The following PKD2 variants were observed in gnomAD, a reference collection of about 807,000 sequenced individuals.
PKD2 encodes the protein polycystin 2, transient receptor potential cation channel.
Under a neutral mutation model 105.9 loss-of-function variants are expected in PKD2, and 48 were observed. That is an observed-to-expected ratio of 0.45 (90% CI 0.36 to 0.58). PKD2 has a LOEUF of 0.58. Ranked by LOEUF, PKD2 falls within the 20% of genes least tolerant of loss-of-function variation. PKD2 has a pLI of 0.00. For synonymous variants in PKD2, 464 were observed against 481.1 expected, an observed-to-expected ratio of 0.96 and a Z score of 0.46; for missense variants, 1,078 against 1,255.3, an observed-to-expected ratio of 0.86 and a Z score of 2.13.
At chr4:88,045,436 T>C (rs897216247) in intron 5 of PKD2, among the ~76,000 whole-genome samples, 1 of 152,254 alleles carries the variant, frequency 6.6e-6, no homozygotes, top group African/African-American at 2.4e-5. Flanking sequence ...ACCATAGTCC[T>C]GTTTTTACTT....
intron 3 of PKD2, 106 bp downstream of exon 3, chr4:88,036,459 A>G (rs765782941): frequency 9.0e-6 from 14 of 1,560,656 alleles, no homozygotes; most frequent in South Asian, 5.7e-5. Flanking sequence ...TGCATTTAAC[A>G]CTGTGTGAGA....
chr4:88,026,029 G>A (rs1418008911), intron 2 of PKD2, among the ~76,000 whole-genome samples: 1 of 151,224 alleles, frequency 6.6e-6, no homozygotes, highest in East Asian at 2.0e-4. Flanking sequence ...TGTGAAAATG[G>A]TCTAATACAG....
At chr4:88,013,985 G>A (rs1726473465) in intron 1 of PKD2, among the ~76,000 whole-genome samples, 1 of 152,162 alleles carries the variant, frequency 6.6e-6, no homozygotes, top group Non-Finnish European at 1.5e-5. Context: ...ACAACGTAGA[G>A]GATAGGGTGA....
intron 7 of PKD2, among the ~76,000 whole-genome samples, chr4:88,053,235 G>T (rs1265543407): frequency 6.6e-6 from 1 of 152,154 alleles, no homozygotes; most frequent in Non-Finnish European, 1.5e-5. Context: ...TACTGTCTAG[G>T]ACAGTGGAAA....
intron 4 of PKD2, 37 bp downstream of exon 4, chr4:88,038,538 C>T: frequency 6.2e-7 from 1 of 1,606,916 alleles, no homozygotes; most frequent in Non-Finnish European, 8.5e-7. Context: ...CGGTGATATT[C>T]ATTCATTTAT....
chr4:88,073,204 A>G (rs1721102930), intron 13 of PKD2, among the ~76,000 whole-genome samples: 1 of 151,188 alleles, frequency 6.6e-6, no homozygotes, highest in Admixed American at 6.6e-5. Flanking sequence ...AAAAAAAAAA[A>G]AAGGTGTAAA....
chr4:88,070,582 A>T (rs1194912960), intron 13 of PKD2, among the ~76,000 whole-genome samples: 27 of 82,610 alleles, frequency 3.3e-4, no homozygotes, highest in Non-Finnish European at 6.0e-4. Flanking sequence ...TTTTATATAT[A>T]TATATATATA....
At chr4:88,015,959 G>A (rs1452894396) in intron 1 of PKD2, among the ~76,000 whole-genome samples, 1 of 152,122 alleles carries the variant, frequency 6.6e-6, no homozygotes, top group African/African-American at 2.4e-5. Flanking sequence ...CACAGACCTG[G>A]GGTAGGAAGT....
At chr4:88,011,412 C>T (rs187972725) in intron 1 of PKD2, among the ~76,000 whole-genome samples, 2 of 151,766 alleles carry the variant, frequency 1.3e-5, no homozygotes, top group Non-Finnish European at 2.9e-5. Context: ...TACCTCCCTC[C>T]CCTTCAATAC....
At chr4:88,025,020 C>T (rs1290119308) in intron 2 of PKD2, among the ~76,000 whole-genome samples, 2 of 152,098 alleles carry the variant, frequency 1.3e-5, no homozygotes, top group Admixed American at 1.3e-4. Context: ...GTAATCCCAG[C>T]TACTTGGGAG....
chr4:88,077,128 C>T lies in PKD2; in HGVS notation c.*1434C>T, dbSNP rs1721263842. 1 of 152,380 alleles carries T rather than the reference C, an allele frequency of 6.6e-6. No homozygotes were observed. The highest frequency in any genetic ancestry group is 2.1e-4 in the South Asian group (1 of 4,834). The allele number at this position is 152,380 out of a possible 1,614,324, so 9.4% of individuals were successfully genotyped here. ...AAGAGCATGCAGTGCTGTTGAATAA[C>T]CCTCACTTGGAGAACCAAGAGAATC... is the stretch of plus-strand genomic sequence containing the variant. On this transcript the variant is annotated 3_prime_UTR_variant, in exon 15 of 15. Transcript: ENST00000237596.
rs764990967 is a variant in PKD2 at position 88,075,685 on chromosome 4, C to G, written c.2898C>G (p.Val966=). The change falls in exon 15 of 15, where the codon GTC becomes GTG. Residue 966 remains valine, a synonymous_variant. Transcript: ENST00000237596. The part of the protein sequence containing the change: ...EGAGGNGSSN[V]HV ...CAGGTGGAAATGGGAGTTCTAATGTCCACGTATGATATGTGTGTTTCAGTA... is the reference window on the plus strand; with the variant it reads ...CAGGTGGAAATGGGAGTTCTAATGTGCACGTATGATATGTGTGTTTCAGTA... The G allele has an allele frequency of 1.1e-5, 18 of 1,606,080 alleles. No homozygotes were observed. The South Asian group carries it at 2.0e-4, about 18-fold the overall frequency.
rs1021224022 is a variant in PKD2, at chr4:88,065,783, G to T, written c.2262G>T (p.Glu754Asp). The change falls in exon 12 of 15, where the codon GAG becomes GAT. Residue 754 changes from glutamate (E) to aspartate (D), a missense_variant. Coordinates refer to ENST00000237596, the MANE Select transcript of PKD2 (RefSeq NM_000297.4). ...TCAGGAAGGGCCATACTGATGCAGA[G>T]ATTGAGGCAATATTCACAAAGTACG... ...DLKGKGHTDA[E>D]IEAIFTKYDQ... The T allele has an allele frequency of 6.2e-7, 1 of 1,612,400 alleles. No individual in the cohort carries two copies.
At chr4:88,008,438 GCGTTC>G in intron 1 of PKD2, 110 bp downstream of exon 1, 1 of 1,314,178 alleles carries the variant, frequency 7.6e-7, no homozygotes, top group Non-Finnish European at 9.9e-7. Context: ...CATCCCCTCT[GCGTTC>G]CGCCTCCCTT....
chr4:88,045,246 C>G (rs986450183), intron 5 of PKD2, among the ~76,000 whole-genome samples: 1 of 152,220 alleles, frequency 6.6e-6, no homozygotes, highest in African/African-American at 2.4e-5. Flanking sequence ...AAGGCCACTT[C>G]CTTCCCTTTT....
chr4:88,024,856 C>A (rs1471726076), intron 2 of PKD2, among the ~76,000 whole-genome samples: 2 of 152,048 alleles, frequency 1.3e-5, no homozygotes, highest in African/African-American at 4.8e-5. Flanking sequence ...AAAAATAGGC[C>A]AAGCACAGTG....
At chr4:88,035,363 C>T (rs1302090451) in intron 2 of PKD2, among the ~76,000 whole-genome samples, 1 of 152,098 alleles carries the variant, frequency 6.6e-6, no homozygotes. Flanking sequence ...CAATCAGTAT[C>T]CTGGAAGAAG....
At position 88,008,124 on chromosome 4, in the gene PKD2, G is replaced by T. The variant is rs1373729358; in HGVS notation, c.391G>T (p.Val131Leu). ...CCGGAGGTCGGCCGCCTCCTCGGCC[G>T]TGAGCTCCGTGGGCGCGCGGAGCCG... ...GSRRSAASSA[V>L]SSVGARSRGL... The change falls in exon 1 of 15, where the codon GTG becomes TTG. Residue 131 changes from valine to leucine, a missense_variant. Physicochemically the swap from Val to Leu is conservative, Grantham distance 32. This residue lies in a region of PKD2 where 868 missense variants were observed against 1,067.3 expected (regional missense o/e 0.81). Transcript: ENST00000237596. The T allele has an allele frequency of 6.7e-7, 1 of 1,497,932 alleles. No individual in the cohort carries two copies. Among genetic ancestry groups the T allele is most frequent in the Non-Finnish European group, 8.9e-7 (1 of 1,128,376 alleles). The allele number at this position is 1,497,932 out of a possible 1,614,324, so 92.8% of individuals were successfully genotyped here.
chr4:88,046,865 G>A lies in PKD2; in HGVS notation c.1543G>A (p.Val515Ile), dbSNP rs763247154. ...SFWNCLDVVIVVLSVVAIGIN... is the reference protein window; with the variant it reads ...SFWNCLDVVIIVLSVVAIGIN... Reference sequence around the variant, plus strand: ...CTGGAATTGTCTGGATGTTGTGATCGTTGTGGTAGGTTTGAGAACAACACC... The same window carrying A: ...CTGGAATTGTCTGGATGTTGTGATCATTGTGGTAGGTTTGAGAACAACACC... The change falls in exon 6 of 15, where the codon GTT becomes ATT. Residue 515 changes from valine to isoleucine, a missense_variant. Physicochemically the swap from Val to Ile is conservative, Grantham distance 29. Transcript: ENST00000237596. 34 of 1,585,454 alleles carry A rather than the reference G, an allele frequency of 2.1e-5. No homozygotes were observed. Among genetic ancestry groups the A allele is most frequent in the South Asian group, 1.8e-4 (16 of 90,444 alleles).
Sources: gnomAD v4.1 joint callset for allele counts (sites outside exome capture counted in the v4.1 genomes callset) on GRCh38, gnomAD v4.1.1 for gene constraint, gnomAD v4.1.1 regional missense constraint, MANE v1.5 for transcripts, NCBI Gene and HGNC (gene_info 2026-07-23, HGNC 2026-07-21) for gene names.